Variants in PID1 observed in about 807,000 individuals in gnomAD.
The protein encoded by PID1 is PTB-containing, cubilin and LRP1-interacting protein.
Under a neutral mutation model 19.1 loss-of-function variants are expected in PID1, and 10 were observed. The observed-to-expected ratio is 0.52, with a 90% CI of 0.32 to 0.89. The LOEUF (loss-of-function observed/expected upper bound fraction) is 0.89, where lower values mean the gene tolerates loss of function less well. Among genes scored for constraint, PID1 ranks in the 40% least tolerant of loss-of-function variants. The pLI is 0.03. For missense variants in PID1, 248 were observed against 285.3 expected (o/e 0.87, Z 0.94); for synonymous variants, 130 against 116.0 (o/e 1.12, Z -0.78).
intron 2 of PID1, among the ~76,000 whole-genome samples, chr2:229,125,024 G>T (rs1695593763): frequency 6.6e-6 from 1 of 152,166 alleles, no homozygotes; most frequent in African/African-American, 2.4e-5. Flanking sequence ...AATGAAATGT[G>T]TATGACTATT....
intron 2 of PID1, among the ~76,000 whole-genome samples, chr2:229,130,191 G>C (rs570952236): frequency 6.6e-4 from 101 of 152,290 alleles, no homozygotes; most frequent in Non-Finnish European, 1.2e-3. Context: ...AACTCTCTGT[G>C]TCACAAAGAG....
intron 1 of PID1, among the ~76,000 whole-genome samples, chr2:229,180,032 T>C (rs1309412534): frequency 6.6e-6 from 1 of 152,196 alleles, no homozygotes; most frequent in Non-Finnish European, 1.5e-5. Context: ...CTAAATCTCC[T>C]GTAGTTCGAA....
At chr2:229,151,553 T>C (rs2106191354) in intron 2 of PID1, among the ~76,000 whole-genome samples, 1 of 152,168 alleles carries the variant, frequency 6.6e-6, no homozygotes, top group African/African-American at 2.4e-5. Flanking sequence ...CAGTTCTGTG[T>C]TATTAAGACT....
At chr2:229,060,882 T>C (rs1453063052) in intron 2 of PID1, among the ~76,000 whole-genome samples, 1 of 152,158 alleles carries the variant, frequency 6.6e-6, no homozygotes, top group Non-Finnish European at 1.5e-5. Flanking sequence ...CGATTCTTCA[T>C]ATATCTGTTG....
chr2:229,150,485 C>A (rs990115452), intron 2 of PID1, among the ~76,000 whole-genome samples: 3 of 152,112 alleles, frequency 2.0e-5, no homozygotes, highest in African/African-American at 7.2e-5. Context: ...AAACAGGAGA[C>A]CCATGTCAAC....
chr2:229,069,517 A>G (rs1438705727), intron 2 of PID1, among the ~76,000 whole-genome samples: 2 of 152,204 alleles, frequency 1.3e-5, no homozygotes, highest in African/African-American at 2.4e-5. Flanking sequence ...AGCAAATACA[A>G]CAAGAAAGTA....
intron 1 of PID1, among the ~76,000 whole-genome samples, chr2:229,177,364 A>C (rs1690845176): frequency 6.6e-6 from 1 of 152,174 alleles, no homozygotes; most frequent in Non-Finnish European, 1.5e-5. Context: ...AATAAGTAGA[A>C]CAGGTAGCCC....
intron 2 of PID1, among the ~76,000 whole-genome samples, chr2:229,077,601 A>G (rs1455689102): frequency 6.6e-6 from 1 of 152,202 alleles, no homozygotes; most frequent in African/African-American, 2.4e-5. Context: ...TTTTTTGCAT[A>G]TGGCTAGCCA....
At chr2:229,195,049 A>C (rs1691346191) in intron 1 of PID1, among the ~76,000 whole-genome samples, 2 of 151,936 alleles carry the variant, frequency 1.3e-5, no homozygotes, top group Admixed American at 1.3e-4. Flanking sequence ...AGTTACTTGA[A>C]ATAATTCTTG....
At chr2:229,127,678 A>G (rs900757478) in intron 2 of PID1, among the ~76,000 whole-genome samples, 1 of 152,166 alleles carries the variant, frequency 6.6e-6, no homozygotes, top group Non-Finnish European at 1.5e-5. Context: ...CACCCACTAG[A>G]TGCCATTAAT....
At chr2:229,209,405 A>G (rs1444941534) in intron 1 of PID1, among the ~76,000 whole-genome samples, 1 of 152,198 alleles carries the variant, frequency 6.6e-6, no homozygotes, top group African/African-American at 2.4e-5. Context: ...GTGAGCAGAA[A>G]GAACATCTGC....
chr2:229,067,934 A>G (rs1694365255), intron 2 of PID1, among the ~76,000 whole-genome samples: 1 of 152,152 alleles, frequency 6.6e-6, no homozygotes, highest in South Asian at 2.1e-4. Flanking sequence ...CATCCTTTAG[A>G]GCAAAAGTCA....
chr2:229,084,118 T>C (rs990742444), intron 2 of PID1, among the ~76,000 whole-genome samples: 2 of 152,146 alleles, frequency 1.3e-5, no homozygotes, highest in Non-Finnish European at 2.9e-5. Flanking sequence ...ACAGTGTTTA[T>C]TACTGTGGTT....
intron 2 of PID1, among the ~76,000 whole-genome samples, chr2:229,093,038 T>TGCAATAA (rs1559229387): frequency 6.6e-6 from 1 of 152,178 alleles, no homozygotes; most frequent in Admixed American, 6.6e-5. Flanking sequence ...ACTGTCAGTC[T>TGCAATAA]CCTTCACAGT....
chr2:229,024,233 A>G lies in PID1; in HGVS notation c.*1399T>C, dbSNP rs78253994. 580 of 152,718 alleles carry G rather than the reference A, an allele frequency of 3.8e-3. 6 individuals carry two copies. Among genetic ancestry groups the G allele is most frequent in the Non-Finnish European group, 1.4e-3 (96 of 68,044 alleles). The allele number at this position is 152,718 out of a possible 1,614,324, so 9.5% of individuals were successfully genotyped here. On this transcript the variant is annotated 3_prime_UTR_variant, in exon 3 of 3. Transcript: ENST00000392055. ...CTGACACCATCGCTCTCTAGATTGGATTAGCTCTCATTTAAGGCTTCTTAG... is the reference window on the plus strand; with the variant it reads ...CTGACACCATCGCTCTCTAGATTGGGTTAGCTCTCATTTAAGGCTTCTTAG...
chr2:229,248,872 T>C (rs923971261), intron 1 of PID1, among the ~76,000 whole-genome samples: 3 of 152,194 alleles, frequency 2.0e-5, no homozygotes, highest in African/African-American at 7.2e-5. Flanking sequence ...AAATAACTTT[T>C]TTTTTCTGAG....
At chr2:229,200,223 T>C (rs914628985) in intron 1 of PID1, among the ~76,000 whole-genome samples, 3 of 152,066 alleles carry the variant, frequency 2.0e-5, no homozygotes, top group African/African-American at 7.2e-5. Flanking sequence ...ATTGTGGTTT[T>C]TGCCATTAAT....
At chr2:229,162,750 C>T (rs1164357711) in intron 1 of PID1, among the ~76,000 whole-genome samples, 1 of 152,182 alleles carries the variant, frequency 6.6e-6, no homozygotes, top group Non-Finnish European at 1.5e-5. Flanking sequence ...ATTAATGGAA[C>T]TCACTTGTGG....
In PID1 at chr2:229,242,154, G is replaced by A. The variant is rs1689887014; in HGVS notation, c.30+28860C>T. Among the ~76,000 whole-genome samples, 3 of 152,208 alleles carry A rather than the reference G, an allele frequency of 2.0e-5. No individual in the cohort carries two copies. The South Asian group carries it at 6.2e-4, about 32-fold the overall frequency. ...TCCAAGTAGCTGAGATTACAGGTGG[G>A]AGCCACCATGCCTGGCTAGTAAATA... On this transcript the variant is annotated intron_variant, in intron 1 of 2. Transcript: ENST00000392055.
Sources: gnomAD v4.1 joint callset for allele counts (sites outside exome capture counted in the v4.1 genomes callset) on GRCh38, gnomAD v4.1.1 for gene constraint, MANE v1.5 for transcripts, NCBI Gene and HGNC (gene_info 2026-07-23, HGNC 2026-07-21) for gene names.